ABCG1: variants seen among roughly 807,000 people sequenced by gnomAD.
ABCG1 encodes the protein ATP-binding cassette sub-family G member 1.
A neutral mutation model predicts 69.2 loss-of-function variants in ABCG1; 29 were observed. That is an observed-to-expected ratio of 0.42 (90% CI 0.31 to 0.57). The LOEUF (loss-of-function observed/expected upper bound fraction) is 0.57, where lower values mean the gene tolerates loss of function less well. Ranked by LOEUF, ABCG1 falls within the 20% of genes least tolerant of loss-of-function variation. The pLI, the probability that ABCG1 is intolerant of heterozygous loss-of-function variation, is 0.15. For missense variants in ABCG1, 718 were observed against 898.1 expected, an observed-to-expected ratio of 0.80 and a Z score of 2.56; for synonymous variants, 370 against 374.8, an observed-to-expected ratio of 0.99 and a Z score of 0.15.
intron 1 of ABCG1, chr21:42,201,465 C>T (rs551281563): frequency 2.1e-5 from 13 of 625,848 alleles, no homozygotes; most frequent in East Asian, 1.0e-4. Context: ...TAACGGGCCA[C>T]GGACTGGTCT....
intron 2 of ABCG1, among the ~76,000 whole-genome samples, chr21:42,228,610 TCTAG>T (rs2123536124): frequency 6.6e-6 from 1 of 152,334 alleles, no homozygotes; most frequent in Non-Finnish European, 1.5e-5. Flanking sequence ...GACAGCAATT[TCTAG>T]CTCTGTGCAC....
chr21:42,280,753 G>A (rs558579475), intron 5 of ABCG1, among the ~76,000 whole-genome samples: 9 of 152,290 alleles, frequency 5.9e-5, no homozygotes, highest in African/African-American at 1.9e-4. Context: ...CGCATGTGTG[G>A]GGCCCCCACA....
chr21:42,266,112 T>C (rs2068500439), intron 2 of ABCG1, among the ~76,000 whole-genome samples: 1 of 151,994 alleles, frequency 6.6e-6, no homozygotes, highest in Non-Finnish European at 1.5e-5. Context: ...CCATCCTGGC[T>C]AACACAGTGA....
upstream of ABCG1, among the ~76,000 whole-genome samples, chr21:42,216,399 A>G (rs2067640944): frequency 6.6e-6 from 1 of 152,034 alleles, no homozygotes. Context: ...TCAGGGTTCT[A>G]CTTAGAATGC....
At chr21:42,251,652 T>G (rs1305941081) in intron 2 of ABCG1, among the ~76,000 whole-genome samples, 1 of 151,580 alleles carries the variant, frequency 6.6e-6, no homozygotes, top group Non-Finnish European at 1.5e-5. Context: ...GCGGGGGGAA[T>G]GGGAAACGTG....
intron 10 of ABCG1, among the ~76,000 whole-genome samples, chr21:42,289,210 C>T (rs1212980232): frequency 6.6e-6 from 1 of 152,200 alleles, no homozygotes; most frequent in African/African-American, 2.4e-5. Flanking sequence ...ATATTTGTGT[C>T]CTGCTTGTGT....
rs1601354013 is a variant in ABCG1 at position 42,225,986 on chromosome 21, A to T, written c.286+72A>T. 2.6e-6 allele frequency: 4 copies of T among 1,558,874 alleles called. No homozygotes were observed. The East Asian group carries it at 9.0e-5, about 35-fold the overall frequency. On this transcript the variant is annotated intron_variant, in intron 2 of 14. Coordinates refer to ENST00000398449, the MANE Select transcript of ABCG1 (RefSeq NM_016818.3). ...AAGGAGGCAACAGGTTGTTTGGGCA[A>T]AATCGGGGTCTGGAGGTTGAGAGGC...
At chr21:42,246,225 C>T (rs2068132255) in intron 2 of ABCG1, among the ~76,000 whole-genome samples, 1 of 152,146 alleles carries the variant, frequency 6.6e-6, no homozygotes, top group African/African-American at 2.4e-5. Context: ...AATAAATGCA[C>T]CAGTTTCTAC....
chr21:42,254,863 GA>G (rs2068277659), intron 2 of ABCG1, among the ~76,000 whole-genome samples: 2 of 152,206 alleles, frequency 1.3e-5, no homozygotes, highest in Non-Finnish European at 2.9e-5. Flanking sequence ...GGAGGGGAGG[GA>G]GTGTAGCGCA....
At chr21:42,264,604 G>T (rs2068470966) in intron 2 of ABCG1, among the ~76,000 whole-genome samples, 1 of 152,170 alleles carries the variant, frequency 6.6e-6, no homozygotes, top group Admixed American at 6.5e-5. Flanking sequence ...TTTAGAGATG[G>T]AAAGGTGAGG....
At chr21:42,212,741 G>C (rs1305199418), upstream of ABCG1, among the ~76,000 whole-genome samples, 3 of 143,282 alleles carry the variant, frequency 2.1e-5, no homozygotes, top group African/African-American at 7.8e-5. Flanking sequence ...GACTCTTGCT[G>C]TGTTGCCAGT....
At chr21:42,256,626 C>G (rs1282894445) in intron 2 of ABCG1, 2 of 1,496,486 alleles carry the variant, frequency 1.3e-6, no homozygotes, top group Non-Finnish European at 1.8e-6. Flanking sequence ...GGTCAGCTCT[C>G]AGAGTGCTGG....
At position 42,219,189 on chromosome 21, in the gene ABCG1, G is replaced by C. The variant is rs1791064542; in HGVS notation, c.-74G>C. The C allele has an allele frequency of 7.7e-7, 1 of 1,292,516 alleles. No individual in the cohort carries two copies. Among genetic ancestry groups the C allele is most frequent in the Non-Finnish European group, 9.9e-7 (1 of 1,012,764 alleles). 80.1% of individuals were successfully genotyped at this position (1,292,516 alleles called of 1,614,324 possible). ...CGCGCAGCGGCTGAGCCGGGAGCCA[G>C]CGCAGCCTCGGCCCCGCAGCTCAAG... On this transcript the variant is annotated 5_prime_UTR_variant, in exon 1 of 15. Transcript: ENST00000398449. The surrounding 1 kb of genome is among the most constrained non-coding windows in gnomAD (Gnocchi z 5.3).
At chr21:42,265,500 A>AGAGGAGAGATCAAAG (rs1399197275) in intron 2 of ABCG1, among the ~76,000 whole-genome samples, 1 of 152,154 alleles carries the variant, frequency 6.6e-6, no homozygotes, top group Non-Finnish European at 1.5e-5. Context: ...ATGCGCAGAC[A>AGAGGAGAGATCAAAG]GAGGAGAGAT....
chr21:42,245,959 C>T (rs1036831373), intron 2 of ABCG1, among the ~76,000 whole-genome samples: 1 of 152,050 alleles, frequency 6.6e-6, no homozygotes, highest in East Asian at 1.9e-4. Context: ...CCTTCTTCCT[C>T]GGAATGGCCT....
chr21:42,201,804 C>A, intron 2 of ABCG1: 2 of 1,605,440 alleles, frequency 1.2e-6, no homozygotes, highest in East Asian at 2.3e-5. Context: ...GTTCCGTGGG[C>A]CTGATGTAGT....
chr21:42,201,390 A>G (rs2067504948), intron 1 of ABCG1, among the ~76,000 whole-genome samples: 1 of 152,062 alleles, frequency 6.6e-6, no homozygotes, highest in Admixed American at 6.6e-5. Context: ...ATCTGACAGG[A>G]GGGAGAGCTC....
At chr21:42,235,014 G>A (rs1471520293) in intron 2 of ABCG1, among the ~76,000 whole-genome samples, 1 of 152,072 alleles carries the variant, frequency 6.6e-6, no homozygotes, top group African/African-American at 2.4e-5. Context: ...CCCCGAGCGG[G>A]GTCGCAGCCT....
At chr21:42,286,045 C>A in intron 8 of ABCG1, 51 bp downstream of exon 8, 1 of 1,296,426 alleles carries the variant, frequency 7.7e-7, no homozygotes, top group Non-Finnish European at 1.1e-6. Context: ...TTTTCCTCCT[C>A]TGTGGGTCTC....
Sources: allele counts gnomAD v4.1 joint callset (sites outside exome capture counted in the v4.1 genomes callset), GRCh38; gene constraint gnomAD v4.1.1; non-coding constraint Gnocchi (gnomAD v3.1); transcripts MANE v1.5; gene names NCBI Gene and HGNC (gene_info 2026-07-23, HGNC 2026-07-21).